The following CHD8 variants were observed in gnomAD, a reference collection of about 807,000 sequenced individuals.
CHD8 encodes the protein ATP-dependent chromatin remodeler CHD8.
A neutral mutation model predicts 279.2 loss-of-function variants in CHD8; 31 were observed. The observed-to-expected ratio is 0.11, with a 90% CI of 0.08 to 0.15. The LOEUF (loss-of-function observed/expected upper bound fraction) is 0.15. Among genes scored for constraint, CHD8 ranks in the 10% least tolerant of loss-of-function variants. CHD8 has a pLI of 1.00. For missense variants in CHD8, 2,146 were observed against 3,230.5 expected, an observed-to-expected ratio of 0.66 and a Z score of 8.14; for synonymous variants, 1,081 against 1,139.6, an observed-to-expected ratio of 0.95 and a Z score of 1.04.
At chr14:21,392,108 T>TACA (rs1190736571) in intron 34 of CHD8, 162 bp from the exon 35 acceptor site, 1 of 763,010 alleles carries the variant, frequency 1.3e-6, no homozygotes, top group Admixed American at 1.7e-5. Flanking sequence ...CAAGAAAACA[T>TACA]ACACACTTTT....
chr14:21,405,512 A>G lies in CHD8; in HGVS notation c.3052-48T>C. On this transcript the variant is annotated intron_variant, in intron 15 of 37. Transcript: ENST00000646647. The surrounding 1 kb of genome is among the most constrained non-coding windows in gnomAD (Gnocchi z 4.2). ...AAATAAATCAATAAGATGAGGGCGA[A>G]CATTCTCACATTATGTAGAAACATG... The G allele has an allele frequency of 6.3e-7, 1 of 1,576,180 alleles. No individual in the cohort carries two copies. Among genetic ancestry groups the G allele is most frequent in the Non-Finnish European group, 8.6e-7 (1 of 1,162,010 alleles).
chr14:21,393,859 C>T lies in CHD8; in HGVS notation c.5936G>A (p.Arg1979His), dbSNP rs753857341. ...CTGGTGCAGCAGTGGAGTAGAGCAG[C>T]GTGACAAGGATGGAGCTGGTGCTCC... is the stretch of plus-strand genomic sequence containing the variant. ...QAGAPAPSLS[R>H]CSTPLLHQQY... The change falls in exon 32 of 38, where the codon CGC (arginine) becomes CAC (histidine). Residue 1979 changes from arginine to histidine, a missense_variant. By Grantham distance (29) the Arg-to-His change is conservative (BLOSUM62 0). This residue lies in a region of CHD8 where 513 missense variants were observed against 637.6 expected (regional missense o/e 0.80). Coordinates refer to ENST00000646647, the MANE Select transcript of CHD8 (RefSeq NM_001170629.2). 65 of 1,613,752 alleles carry T rather than the reference C, an allele frequency of 4.0e-5. No homozygotes were observed. Among genetic ancestry groups the T allele is most frequent in the Non-Finnish European group, 1.6e-5 (19 of 1,179,876 alleles).
intron 1 of CHD8, among the ~76,000 whole-genome samples, chr14:21,453,781 TAC>T (rs1890312498): frequency 2.0e-5 from 3 of 151,942 alleles, no homozygotes; most frequent in Admixed American, 6.5e-5. Context: ...ATCTGAATGT[TAC>T]AGTCCTTTCA....
chr14:21,403,479 G>A lies in CHD8; in HGVS notation c.3492C>T (p.Ile1164=), dbSNP rs748583001. ...TCCTCTGGATTAAATAATCCTCTAG[G>A]ATGTCTAGGCAGCGCACCATCTGAG... is the stretch of plus-strand genomic sequence containing the variant. ...IFSQMVRCLD[I]LEDYLIQRRY... Residue 1164 remains isoleucine, a synonymous_variant, in exon 17 of 38, where the codon ATC becomes ATT. Transcript: ENST00000646647. The surrounding 1 kb of genome is among the most constrained non-coding windows in gnomAD (Gnocchi z 4.3). 3.7e-6 allele frequency: 6 copies of A among 1,613,192 alleles called. No individual in the cohort carries two copies. The highest frequency in any genetic ancestry group is 5.1e-6 in the Non-Finnish European group (6 of 1,179,266).
chr14:21,455,875 C>T (rs1421703990), intron 1 of CHD8, among the ~76,000 whole-genome samples, 157 bp downstream of exon 1: 1 of 152,146 alleles, frequency 6.6e-6, no homozygotes, highest in Non-Finnish European at 1.5e-5. Context: ...CTGGTTCAGT[C>T]CGGAGCATCA....
intron 1 of CHD8, chr14:21,455,038 A>G (rs990196620): frequency 4.6e-5 from 7 of 152,374 alleles, no homozygotes; most frequent in Admixed American, 2.6e-4. Flanking sequence ...AACTCAGAAA[A>G]GCATGGAGAT....
rs1307220437 is a variant in CHD8 at position 21,400,566 on chromosome 14, G to A, written c.4417C>T (p.Arg1473Cys). 4.4e-6 allele frequency: 7 copies of A among 1,603,090 alleles called. No homozygotes were observed. The Admixed American group carries it at 5.3e-5, about 12-fold the overall frequency. The change falls in exon 23 of 38, where the codon CGT (arginine) becomes TGT (cysteine). Residue 1473 changes from arginine to cysteine, a missense_variant. By Grantham distance (180) the Arg-to-Cys change is radical (BLOSUM62 -3). Transcript: ENST00000646647. This position sits in a 1 kb window ranked among gnomAD's most constrained non-coding sequence, Gnocchi z 4.2. ...GTCTCCACATCTCGTTCAGTCATAC[G>A]TCGCTTGAAGCGTCCATGAGATAAA... Reference protein sequence around the residue: ...DILSHGRFKRRMTERDVETIC... With the variant: ...DILSHGRFKRCMTERDVETIC...
intron 5 of CHD8, among the ~76,000 whole-genome samples, chr14:21,422,775 A>C (rs543061417): frequency 1.3e-5 from 2 of 152,260 alleles, no homozygotes; most frequent in East Asian, 3.9e-4. Context: ...TAAAACATAC[A>C]AAAATTAGCT....
rs773853779 is a variant in CHD8 at position 21,430,902 on chromosome 14, G to A, written c.742C>T (p.Leu248=). Reference sequence around the variant, plus strand: ...GAACCCTTAACTGGCTGGAGGACCAGCTGCTTTACTGGTCGGCTGGGCTGG... The same window carrying A: ...GAACCCTTAACTGGCTGGAGGACCAACTGCTTTACTGGTCGGCTGGGCTGG... ...IVQPSRPVKQ[L]VLQPVKGSAP... Residue 248 remains leucine, a synonymous_variant, in exon 2 of 38, where the codon CTG becomes TTG. Coordinates refer to ENST00000646647, the MANE Select transcript of CHD8 (RefSeq NM_001170629.2). The A allele has an allele frequency of 1.3e-6, 2 of 1,599,446 alleles. No homozygotes were observed. The highest frequency in any genetic ancestry group is 2.2e-5 in the East Asian group (1 of 44,880).
intron 5 of CHD8, among the ~76,000 whole-genome samples, chr14:21,424,899 G>A (rs1169152732): frequency 6.6e-6 from 1 of 152,186 alleles, no homozygotes; most frequent in Admixed American, 6.5e-5. Context: ...GGTTCATTTA[G>A]TCCAAATCTC....
rs758715024 is a variant in CHD8 at position 21,393,877 on chromosome 14, G to C, written c.5918C>G (p.Pro1973Arg). The stretch of plus-strand genomic sequence containing the variant: ...AGAGCAGCGTGACAAGGATGGAGCT[G>C]GTGCTCCTGCTTGATGGTTCTGCAT... ...NYMQNHQAGA[P>R]APSLSRCSTP... is the part of the protein sequence containing the mutation. The change falls in exon 32 of 38, where the codon CCA (proline) becomes CGA (arginine). Residue 1973 changes from proline (P) to arginine (R), a missense_variant. By Grantham distance (103) the Pro-to-Arg change is moderately radical. Transcript: ENST00000646647. 1.2e-6 allele frequency: 2 copies of C among 1,613,932 alleles called. No individual in the cohort carries two copies. The highest frequency in any genetic ancestry group is 1.7e-5 in the Admixed American group (1 of 60,020).
Position 21,392,683 on chromosome 14 carries a change from C to T in CHD8, c.6595G>A (p.Asp2199Asn), listed in dbSNP as rs1887600303. The T allele has an allele frequency of 7.4e-6, 12 of 1,614,016 alleles. No individual in the cohort carries two copies. Among genetic ancestry groups the T allele is most frequent in the African/African-American group, 6.7e-5 (5 of 75,048 alleles). ...GILGPGNHLLDSPSLTPGEYG... is the reference protein window; with the variant it reads ...GILGPGNHLLNSPSLTPGEYG... ...TCTCCAGGAGTCAATGAGGGACTGT[C>T]TAGCAAGTGGTTGCCTGGCCCCAAA... The change falls in exon 34 of 38, where the codon GAC (aspartate) becomes AAC (asparagine). Residue 2199 changes from aspartate (D) to asparagine (N), a missense_variant. By Grantham distance (23) the Asp-to-Asn change is conservative (BLOSUM62 1). Coordinates refer to ENST00000646647, the MANE Select transcript of CHD8 (RefSeq NM_001170629.2).
chr14:21,389,956 C>T (rs868835981), intron 37 of CHD8, among the ~76,000 whole-genome samples: 10 of 152,122 alleles, frequency 6.6e-5, no homozygotes, highest in African/African-American at 1.4e-4. Flanking sequence ...AACTTAAGGC[C>T]GAGTGCGGTG....
chr14:21,420,848 T>C (rs1889003225), intron 5 of CHD8, among the ~76,000 whole-genome samples: 1 of 152,074 alleles, frequency 6.6e-6, no homozygotes, highest in Non-Finnish European at 1.5e-5. Context: ...CTGCAACCTC[T>C]GCCTCCCAGG....
Position 21,403,433 on chromosome 14 carries a change from T to C in CHD8, c.3518+20A>G. The stretch of plus-strand genomic sequence containing the variant: ...TTATGAGGACAGAGTAACCACAGGC[T>C]AGGATGACTCTTTTCTTACCTCCTC... On this transcript the variant is annotated intron_variant, in intron 17 of 37. Coordinates refer to ENST00000646647, the MANE Select transcript of CHD8 (RefSeq NM_001170629.2). The surrounding 1 kb of genome is among the most constrained non-coding windows in gnomAD (Gnocchi z 4.3). 1 of 1,582,442 alleles carries C rather than the reference T, an allele frequency of 6.3e-7. No individual in the cohort carries two copies. Among genetic ancestry groups the C allele is most frequent in the Non-Finnish European group, 8.7e-7 (1 of 1,153,928 alleles).
At chr14:21,445,792 G>A (rs1015004599) in intron 1 of CHD8, among the ~76,000 whole-genome samples, 8 of 151,130 alleles carry the variant, frequency 5.3e-5, no homozygotes, top group African/African-American at 2.0e-4. Context: ...ACGAGGTCAG[G>A]AGTTCGAGAC....
At chr14:21,414,631 A>G in intron 8 of CHD8, 1 of 594,048 alleles carries the variant, frequency 1.7e-6, no homozygotes, top group Non-Finnish European at 3.0e-6. Flanking sequence ...AAAGCACCCA[A>G]GTAATGCTAA....
intron 1 of CHD8, among the ~76,000 whole-genome samples, chr14:21,440,589 C>G (rs941550439): frequency 3.3e-5 from 5 of 152,056 alleles, no homozygotes; most frequent in African/African-American, 1.2e-4. Context: ...ATTCAGGCAG[C>G]AGGGACAGGA....
rs576003729 is a variant in CHD8 at position 21,430,969 on chromosome 14, G to A, written c.675C>T (p.Ala225=). 8.8e-6 allele frequency: 14 copies of A among 1,599,566 alleles called. No individual in the cohort carries two copies. Among genetic ancestry groups the A allele is most frequent in the South Asian group, 4.4e-5 (4 of 91,068 alleles). The change falls in exon 2 of 38, where the codon GCC becomes GCT. Residue 225 remains alanine, a synonymous_variant. Coordinates refer to ENST00000646647, the MANE Select transcript of CHD8 (RefSeq NM_001170629.2). ...CAGCCTGGTTCCCAGGGACCTTGGC[G>A]GCCAACACTGTATTACCAGAGACAA... The part of the protein sequence containing the change: ...VSIVSGNTVL[A]AKVPGNQAAV...
Sources: gnomAD v4.1 joint callset for allele counts (sites outside exome capture counted in the v4.1 genomes callset) on GRCh38, gnomAD v4.1.1 for gene constraint, gnomAD v4.1.1 regional missense constraint, Gnocchi (gnomAD v3.1) non-coding constraint, MANE v1.5 for transcripts, NCBI Gene and HGNC (gene_info 2026-07-23, HGNC 2026-07-21) for gene names.